PDE1C: variants seen among roughly 807,000 people sequenced by gnomAD.
PDE1C encodes the protein phosphodiesterase 1C.
A neutral mutation model predicts 93.1 loss-of-function variants in PDE1C; 62 were observed. That is an observed-to-expected ratio of 0.67 (90% CI 0.54 to 0.82). The LOEUF (loss-of-function observed/expected upper bound fraction) is 0.82. Ranked by LOEUF, PDE1C falls within the 40% of genes least tolerant of loss-of-function variation. The pLI, the probability that PDE1C is intolerant of heterozygous loss-of-function variation, is 0.00. For synonymous variants in PDE1C, 325 were observed against 310.1 expected, an observed-to-expected ratio of 1.05 and a Z score of -0.50; for missense variants, 742 against 884.6, an observed-to-expected ratio of 0.84 and a Z score of 2.04.
At chr7:32,383,747 T>A (rs1249512130) in intron 1 of PDE1C, among the ~76,000 whole-genome samples, 6 of 152,158 alleles carry the variant, frequency 3.9e-5, no homozygotes, top group Non-Finnish European at 2.9e-5. Context: ...AGGACAGAAA[T>A]GACCAACCTG....
the PDE1C span, among the ~76,000 whole-genome samples, chr7:31,715,719 C>T: frequency 1.3e-5 from 2 of 152,144 alleles, no homozygotes; most frequent in East Asian, 3.8e-4. Context: ...AGTTTTGTTC[C>T]ATCCCATTGG....
the PDE1C span, among the ~76,000 whole-genome samples, chr7:31,742,610 C>G: frequency 6.6e-6 from 1 of 152,166 alleles, no homozygotes; most frequent in Non-Finnish European, 1.5e-5. Flanking sequence ...TACATTCTCC[C>G]CTAAGATCTT....
chr7:32,315,188 G>A (rs1171257182), intron 1 of PDE1C, among the ~76,000 whole-genome samples: 1 of 151,712 alleles, frequency 6.6e-6, no homozygotes, highest in East Asian at 1.9e-4. Flanking sequence ...AGGAAGGTGA[G>A]CAAGAACAGC....
At position 31,837,814 on chromosome 7, in the gene PDE1C, C is replaced by T. The variant is rs557424043; in HGVS notation, c.1082+56G>A. On this transcript the variant is annotated intron_variant, in intron 10 of 17. Transcript: ENST00000396191. ...CTCTTTAAAGGGATAGCCACATAGA[C>T]GAGGACCCATTCAAACACCTATACA... The T allele has an allele frequency of 6.2e-5, 68 of 1,089,900 alleles. No individual in the cohort carries two copies. In the African/African-American group the frequency reaches 8.0e-4, roughly 13 times the overall value. The allele number at this position is 1,089,900 out of a possible 1,614,324, so 67.5% of individuals were successfully genotyped here.
the PDE1C span, among the ~76,000 whole-genome samples, chr7:31,672,463 C>A: frequency 6.6e-6 from 1 of 152,130 alleles, no homozygotes; most frequent in Admixed American, 6.5e-5. Context: ...AAGTCATTAT[C>A]ATTTATTTAA....
intron 1 of PDE1C, among the ~76,000 whole-genome samples, chr7:32,236,568 C>G (rs1257945560): frequency 2.0e-5 from 3 of 152,156 alleles, no homozygotes; most frequent in Non-Finnish European, 2.9e-5. Context: ...ACATCATTAT[C>G]TATTAAGGAA....
intron 1 of PDE1C, among the ~76,000 whole-genome samples, chr7:32,240,385 A>C (rs902930403): frequency 6.6e-6 from 1 of 152,242 alleles, no homozygotes; most frequent in African/African-American, 2.4e-5. Flanking sequence ...ACAAAATGGT[A>C]AGTCCCAGAT....
the PDE1C span, among the ~76,000 whole-genome samples, chr7:31,631,175 G>A: frequency 7.1e-4 from 108 of 152,128 alleles, no homozygotes; most frequent in African/African-American, 2.3e-3. Flanking sequence ...TCCAAACTGC[G>A]GAAGAGCAGA....
the PDE1C span, among the ~76,000 whole-genome samples, chr7:31,636,412 G>C: frequency 1.3e-5 from 2 of 152,034 alleles, no homozygotes; most frequent in Admixed American, 6.6e-5. Flanking sequence ...AATAGTAACT[G>C]CTTCGAGATT....
At chr7:32,041,984 A>T (rs996111760) in intron 2 of PDE1C, among the ~76,000 whole-genome samples, 2 of 152,154 alleles carry the variant, frequency 1.3e-5, no homozygotes, top group African/African-American at 2.4e-5. Flanking sequence ...AAAAAAAAGG[A>T]GGGGCTCCAC....
At chr7:32,104,708 A>T (rs185752513) in intron 3 of PDE1C, among the ~76,000 whole-genome samples, 1 of 152,314 alleles carries the variant, frequency 6.6e-6, no homozygotes. Context: ...CCAGAAGAGG[A>T]GGTCAATGGA....
the PDE1C span, chr7:31,642,675 C>G: frequency 6.2e-7 from 1 of 1,611,732 alleles, no homozygotes; most frequent in Non-Finnish European, 8.5e-7. Flanking sequence ...CCTGGTTTCC[C>G]CTACAGATGC....
intron 3 of PDE1C, among the ~76,000 whole-genome samples, chr7:32,090,376 G>T (rs1797403717): frequency 6.6e-6 from 1 of 152,060 alleles, no homozygotes; most frequent in Non-Finnish European, 1.5e-5. Flanking sequence ...CCATCTCAGG[G>T]GTGGTTTTAT....
At chr7:31,887,353 T>C (rs1037351069) in intron 2 of PDE1C, among the ~76,000 whole-genome samples, 1 of 152,102 alleles carries the variant, frequency 6.6e-6, no homozygotes, top group Non-Finnish European at 1.5e-5. Context: ...TTTTACCTTT[T>C]GTTAATGCTA....
In PDE1C at chr7:32,051,563, G is replaced by A. The variant is rs1330510855; in HGVS notation, c.119C>T (p.Thr40Met). Residue 40 changes from threonine (T) to methionine (M), a missense_variant, in exon 2 of 18, where the codon ACG (threonine) becomes ATG (methionine). Around this residue, in one of 4 missense-constraint regions of PDE1C, gnomAD observed 74 missense variants for 88.2 expected, o/e 0.84. Transcript: ENST00000396191. ...AGAAAGACGTTCTTACCTCTGGGAC[G>A]TTTTCTTATATTTCCTCCTGTAAGA... ...RLRGLRKYKK[T>M]SQRLRSLVKQ... is the part of the protein sequence containing the mutation. The A allele has an allele frequency of 2.7e-5, 43 of 1,613,684 alleles. No homozygotes were observed. Among genetic ancestry groups the A allele is most frequent in the East Asian group, 6.7e-5 (3 of 44,870 alleles).
chr7:32,003,283 C>G (rs1252318950), intron 2 of PDE1C, among the ~76,000 whole-genome samples: 1 of 152,190 alleles, frequency 6.6e-6, no homozygotes, highest in East Asian at 1.9e-4. Flanking sequence ...AAGGGAAACT[C>G]TAGCTCATTT....
chr7:31,942,912 C>A (rs1806048196), intron 2 of PDE1C, among the ~76,000 whole-genome samples: 1 of 152,066 alleles, frequency 6.6e-6, no homozygotes, highest in Non-Finnish European at 1.5e-5. Context: ...CACTAAGATC[C>A]TTTTTAAAAA....
At position 32,393,140 on chromosome 7, in the gene PDE1C, A is replaced by G. The variant is rs572996846; in HGVS notation, c.310+34682T>C. 2.9e-4 allele frequency among the ~76,000 whole-genome samples: 44 copies of G among 152,096 alleles called. 1 individual carries two copies. The highest frequency in any genetic ancestry group is 2.9e-3 in the Admixed American group (44 of 15,274). ...CACCTTGCTGAAGATCATCTAGGAA[A>G]AACTTACAGCTGAACTCATACAAAT... On this transcript the variant is annotated intron_variant, in intron 1 of 1. Transcript: ENST00000672256.
chr7:32,031,800 G>T (rs1454485779), intron 2 of PDE1C, among the ~76,000 whole-genome samples: 1 of 152,114 alleles, frequency 6.6e-6, no homozygotes, highest in Middle Eastern at 3.2e-3. Context: ...CTACCACAAG[G>T]GTTCTAGGAA....
Sources: gnomAD v4.1 joint callset for allele counts (sites outside exome capture counted in the v4.1 genomes callset) on GRCh38, gnomAD v4.1.1 for gene constraint, gnomAD v4.1.1 regional missense constraint, MANE v1.5 for transcripts, NCBI Gene and HGNC (gene_info 2026-07-23, HGNC 2026-07-21) for gene names.